Variants in BCKDHB observed in about 807,000 individuals in gnomAD.
BCKDHB encodes the protein branched chain keto acid dehydrogenase E1 subunit beta.
A neutral mutation model predicts 48.5 loss-of-function variants in BCKDHB; 41 were observed. The observed-to-expected ratio is 0.85, with a 90% CI of 0.66 to 1.10. The LOEUF is 1.10. BCKDHB is among the 50% of genes least tolerant of loss of function. BCKDHB has a pLI of 0.00. For synonymous variants in BCKDHB, 201 were observed against 174.8 expected, an observed-to-expected ratio of 1.15 and a Z score of -1.18; for missense variants, 496 against 494.2, an observed-to-expected ratio of 1.00 and a Z score of -0.03.
chr6:80,251,684 G>A lies in BCKDHB; in HGVS notation c.952-21451G>A, dbSNP rs1243270823. On this transcript the variant is annotated intron_variant, in intron 8 of 9. Coordinates refer to ENST00000320393, the MANE Select transcript of BCKDHB (RefSeq NM_183050.4). Reference sequence around the variant, plus strand: ...TGTTCTCATAAAAAATTATTCTTAGGGTCTGAAAGACCATCATTTTCTTTT... The same window carrying A: ...TGTTCTCATAAAAAATTATTCTTAGAGTCTGAAAGACCATCATTTTCTTTT... 2.0e-5 allele frequency: 3 copies of A among 151,956 alleles called. No homozygotes were observed. In the East Asian group the frequency reaches 5.8e-4, roughly 29 times the overall value. The allele number at this position is 151,956 out of a possible 1,614,324, so 9.4% of individuals were successfully genotyped here. A position where few individuals can be genotyped will look rare whatever the true frequency, so the allele number is the denominator to read the frequency against.
chr6:80,202,573 A>G (rs1214239709), intron 7 of BCKDHB, among the ~76,000 whole-genome samples: 1 of 152,036 alleles, frequency 6.6e-6, no homozygotes, highest in Non-Finnish European at 1.5e-5. Context: ...TATTCCTGCT[A>G]TGGTATGTGA....
the BCKDHB span, among the ~76,000 whole-genome samples, chr6:80,440,164 A>G: frequency 1.3e-5 from 2 of 152,194 alleles, no homozygotes; most frequent in East Asian, 1.9e-4. Flanking sequence ...GGAGCCCACA[A>G]TTAAATACCA....
chr6:80,419,150 C>G, the BCKDHB span, among the ~76,000 whole-genome samples: 1 of 152,138 alleles, frequency 6.6e-6, no homozygotes, highest in Non-Finnish European at 1.5e-5. Flanking sequence ...CTCTCACGTG[C>G]TGACAGGGCA....
At chr6:80,108,163 T>C (rs1202688009) in intron 1 of BCKDHB, among the ~76,000 whole-genome samples, 1 of 152,076 alleles carries the variant, frequency 6.6e-6, no homozygotes. Flanking sequence ...TAGTGGTAGC[T>C]CCAAAGCTCC....
At chr6:80,381,649 G>A in the BCKDHB span, among the ~76,000 whole-genome samples, 1 of 151,946 alleles carries the variant, frequency 6.6e-6, no homozygotes. Flanking sequence ...ATTAAATTAT[G>A]CTTCTTGTGG....
the BCKDHB span, among the ~76,000 whole-genome samples, chr6:80,360,285 C>T: frequency 6.6e-6 from 1 of 152,134 alleles, no homozygotes; most frequent in Non-Finnish European, 1.5e-5. Flanking sequence ...GGTATTGTCT[C>T]CAAAGCCCTA....
chr6:80,119,541 G>A (rs890224950), intron 1 of BCKDHB, among the ~76,000 whole-genome samples: 3 of 152,010 alleles, frequency 2.0e-5, no homozygotes, highest in Non-Finnish European at 4.4e-5. Context: ...GGCTGGTCTC[G>A]AACTCCTGGC....
At chr6:80,399,660 G>T in the BCKDHB span, among the ~76,000 whole-genome samples, 1 of 152,000 alleles carries the variant, frequency 6.6e-6, no homozygotes, top group African/African-American at 2.4e-5. Context: ...CATTATAATG[G>T]CAATACTGTC....
In BCKDHB at chr6:80,256,577, C is replaced by T. The variant is rs1777060978; in HGVS notation, c.952-16558C>T. On this transcript the variant is annotated intron_variant, in intron 8 of 9. Coordinates refer to ENST00000320393, the MANE Select transcript of BCKDHB (RefSeq NM_183050.4). ...CACACACATATATAAAGTTGTTTGA[C>T]TAAGGAAAATATCCAAATTCATAAA... 1.3e-5 allele frequency among the ~76,000 whole-genome samples: 2 copies of T among 152,170 alleles called. 1 individual carries two copies. The highest frequency in any genetic ancestry group is 4.1e-4 in the South Asian group (2 of 4,828).
At chr6:80,432,522 C>G in the BCKDHB span, among the ~76,000 whole-genome samples, 2 of 152,042 alleles carry the variant, frequency 1.3e-5, no homozygotes, top group Non-Finnish European at 2.9e-5. Flanking sequence ...CTGTGTTTTT[C>G]GGCTCCATCT....
intron 9 of BCKDHB, among the ~76,000 whole-genome samples, chr6:80,305,876 T>C (rs1767847980): frequency 6.6e-6 from 1 of 152,180 alleles, no homozygotes; most frequent in South Asian, 2.1e-4. Context: ...ACAAGGAATA[T>C]AATAATGCCT....
At chr6:80,429,836 C>G in the BCKDHB span, among the ~76,000 whole-genome samples, 1 of 152,214 alleles carries the variant, frequency 6.6e-6, no homozygotes, top group Non-Finnish European at 1.5e-5. Context: ...TTCCTCTTTT[C>G]CTATTTGAAT....
chr6:80,107,415 T>TTG lies in BCKDHB; in HGVS notation c.196+532_196+533dup, dbSNP rs1410915449. The stretch of plus-strand genomic sequence containing the variant: ...CTTGGTTTCTTCTTACATACAGAAA[T>TTG]TGTGTGTATGTGTGTGTGTGTGTGT... On this transcript the variant is annotated intron_variant, in intron 1 of 9. Coordinates refer to ENST00000320393, the MANE Select transcript of BCKDHB (RefSeq NM_183050.4). Among the ~76,000 whole-genome samples the TTG allele has an allele frequency of 1.2e-4, 11 of 91,852 alleles. No individual in the cohort carries two copies. In the East Asian group the frequency reaches 3.2e-3, roughly 26 times the overall value. The allele number at this position is 91,852 out of a possible 152,430, so 60.3% of individuals were successfully genotyped here.
the BCKDHB span, among the ~76,000 whole-genome samples, chr6:80,420,916 C>T: frequency 6.6e-6 from 1 of 152,198 alleles, no homozygotes; most frequent in African/African-American, 2.4e-5. Flanking sequence ...GCTAGGCTTC[C>T]TTGGGGGATG....
the BCKDHB span, among the ~76,000 whole-genome samples, chr6:80,359,315 A>G: frequency 4.6e-5 from 7 of 152,022 alleles, no homozygotes; most frequent in Non-Finnish European, 7.4e-5. Context: ...GCCTCCACCT[A>G]CTGTGTGCCA....
chr6:80,383,755 G>A, the BCKDHB span, among the ~76,000 whole-genome samples: 3 of 151,780 alleles, frequency 2.0e-5, no homozygotes, highest in African/African-American at 4.8e-5. Context: ...TGTGTCCCAC[G>A]TCACATAGCA....
the BCKDHB span, among the ~76,000 whole-genome samples, chr6:80,351,277 G>A: frequency 6.6e-6 from 1 of 152,082 alleles, no homozygotes; most frequent in Non-Finnish European, 1.5e-5. Flanking sequence ...TCTTTGTTAA[G>A]TAGCTCTAGG....
At chr6:80,287,215 T>C (rs1160032883) in intron 9 of BCKDHB, among the ~76,000 whole-genome samples, 3 of 152,228 alleles carry the variant, frequency 2.0e-5, no homozygotes, top group Admixed American at 2.0e-4. Flanking sequence ...GATGACCATA[T>C]ACTTTGTCTT....
At position 80,344,044 on chromosome 6, in the gene BCKDHB, A is replaced by C. The variant is rs904776265; in HGVS notation, c.*240A>C. The stretch of plus-strand genomic sequence containing the variant: ...GAGATGGAGTCTCACTCTGTCGCCC[A>C]GGCTAGACTGCAGTGGTGCAATCTC... On this transcript the variant is annotated 3_prime_UTR_variant, in exon 10 of 10. Coordinates refer to ENST00000320393, the MANE Select transcript of BCKDHB (RefSeq NM_183050.4). 2.0e-6 allele frequency: 1 copy of C among 510,958 alleles called. No homozygotes were observed. The highest frequency in any genetic ancestry group is 1.9e-5 in the African/African-American group (1 of 51,808). The allele number at this position is 510,958 out of a possible 1,614,324, so 31.7% of individuals were successfully genotyped here. A position where few individuals can be genotyped will look rare whatever the true frequency, so the allele number is the denominator to read the frequency against.
Sources: allele counts gnomAD v4.1 joint callset (sites outside exome capture counted in the v4.1 genomes callset), GRCh38; gene constraint gnomAD v4.1.1; transcripts MANE v1.5; gene names NCBI Gene and HGNC (gene_info 2026-07-23, HGNC 2026-07-21).